PLCB4: variants seen among roughly 807,000 people sequenced by gnomAD.
PLCB4 encodes phospholipase C beta 4.
PLCB4 carries 77 observed loss-of-function variants against 178.8 expected under a neutral mutation model. The observed-to-expected ratio is 0.43, with a 90% CI of 0.36 to 0.52. PLCB4 has a LOEUF of 0.52. Among genes scored for constraint, PLCB4 ranks in the 20% least tolerant of loss-of-function variants. The pLI, the probability that PLCB4 is intolerant of heterozygous loss-of-function variation, is 0.00. For synonymous variants in PLCB4, 496 were observed against 490.8 expected, an observed-to-expected ratio of 1.01 and a Z score of -0.14; for missense variants, 1,024 against 1,453.4, an observed-to-expected ratio of 0.70 and a Z score of 4.80.
At chr20:9,109,469 CTT>C (rs762077633) in intron 2 of PLCB4, among the ~76,000 whole-genome samples, 1 of 144,086 alleles carries the variant, frequency 6.9e-6, no homozygotes, top group African/African-American at 2.5e-5. Context: ...AAAATGATTG[CTT>C]TTTTTTTTTT....
intron 1 of PLCB4, among the ~76,000 whole-genome samples, chr20:9,080,242 T>G (rs1452070514): frequency 6.6e-6 from 1 of 152,172 alleles, no homozygotes; most frequent in African/African-American, 2.4e-5. Context: ...TTCTTGGCCC[T>G]GTTGCTTGAA....
At chr20:9,188,613 TG>T (rs2093360353) in intron 2 of PLCB4, among the ~76,000 whole-genome samples, 1 of 138,564 alleles carries the variant, frequency 7.2e-6, no homozygotes, top group East Asian at 2.1e-4. Context: ...TGTGGAGGGC[TG>T]TCATATAGTG....
chr20:9,223,216 G>T (rs2093821012), intron 3 of PLCB4, among the ~76,000 whole-genome samples: 1 of 152,116 alleles, frequency 6.6e-6, no homozygotes, highest in Admixed American at 6.5e-5. Flanking sequence ...AAACTCATGG[G>T]GCTGGAGTGT....
intron 3 of PLCB4, among the ~76,000 whole-genome samples, chr20:9,256,639 T>C (rs1433346553): frequency 1.3e-5 from 2 of 152,230 alleles, no homozygotes; most frequent in African/African-American, 2.4e-5. Flanking sequence ...GTGGCTGTTA[T>C]ATTTCGTTAC....
At chr20:9,401,173 G>A (rs189758024) in intron 19 of PLCB4, among the ~76,000 whole-genome samples, 1 of 152,170 alleles carries the variant, frequency 6.6e-6, no homozygotes, top group East Asian at 1.9e-4. Context: ...CAGTGTTTGA[G>A]GCTTTCATTT....
chr20:9,226,465 A>T (rs1242749715), intron 3 of PLCB4, among the ~76,000 whole-genome samples: 1 of 152,198 alleles, frequency 6.6e-6, no homozygotes, highest in Non-Finnish European at 1.5e-5. Context: ...CTGGCTGGAT[A>T]CATCACAGTG....
chr20:9,074,806 TTAAACAAAACAAAACAAAACA>T (rs1233709480), intron 1 of PLCB4, among the ~76,000 whole-genome samples: 4 of 100,366 alleles, frequency 4.0e-5, no homozygotes, highest in African/African-American at 8.0e-5. Flanking sequence ...TTTTTTTTTT[TTAAACAAAACAAAACAAAACA>T]AAACAAAACA....
At position 9,240,701 on chromosome 20, in the gene PLCB4, C is replaced by T. The variant is rs186884793; in HGVS notation, c.-16+23249C>T. On this transcript the variant is annotated intron_variant, in intron 3 of 39. Transcript: ENST00000378473. The stretch of plus-strand genomic sequence containing the variant: ...TGCACATTTGTCCTTGCTTTTTTGT[C>T]TTTATCTTCTATTCTTGTTTGTTCT... Among the ~76,000 whole-genome samples the T allele has an allele frequency of 4.6e-5, 7 of 152,188 alleles. No homozygotes were observed. The East Asian group carries it at 1.2e-3, about 25-fold the overall frequency.
At chr20:9,413,341 A>T (rs1008326511) in intron 25 of PLCB4, among the ~76,000 whole-genome samples, 15 of 149,958 alleles carry the variant, frequency 1.0e-4, no homozygotes, top group African/African-American at 3.8e-4. Context: ...GGCTCGGCCC[A>T]GTGGCTCACA....
chr20:9,230,918 G>A (rs1001123339), intron 3 of PLCB4, among the ~76,000 whole-genome samples: 2 of 152,124 alleles, frequency 1.3e-5, no homozygotes, highest in Non-Finnish European at 2.9e-5. Flanking sequence ...ACCTTTTTAG[G>A]TGATGGCTTT....
intron 35 of PLCB4, among the ~76,000 whole-genome samples, chr20:9,463,954 A>C (rs549022181): frequency 6.6e-6 from 1 of 152,292 alleles, no homozygotes; most frequent in African/African-American, 2.4e-5. Context: ...AGGACTCTCC[A>C]CCCCAAATCA....
At chr20:9,279,535 A>G (rs899266494) in intron 3 of PLCB4, among the ~76,000 whole-genome samples, 3 of 152,034 alleles carry the variant, frequency 2.0e-5, no homozygotes, top group African/African-American at 7.2e-5. Flanking sequence ...AGAGAACAAT[A>G]GGGAAAATAG....
At chr20:9,270,432 C>T (rs1007628329) in intron 3 of PLCB4, among the ~76,000 whole-genome samples, 13 of 152,102 alleles carry the variant, frequency 8.5e-5, no homozygotes, top group African/African-American at 3.1e-4. Flanking sequence ...GGTAATCATA[C>T]AATGTGTATT....
chr20:9,262,102 C>T (rs2094303284), intron 3 of PLCB4, among the ~76,000 whole-genome samples: 1 of 152,146 alleles, frequency 6.6e-6, no homozygotes, highest in African/African-American at 2.4e-5. Context: ...GGAATTGTGT[C>T]TTCTATCGTC....
chr20:9,432,340 G>A (rs886638195), intron 28 of PLCB4, among the ~76,000 whole-genome samples: 9 of 151,976 alleles, frequency 5.9e-5, no homozygotes, highest in Admixed American at 5.9e-4. Flanking sequence ...TATTCCTATG[G>A]AAAAGACTAC....
chr20:9,102,717 T>G (rs928749626), intron 2 of PLCB4, among the ~76,000 whole-genome samples: 1 of 151,576 alleles, frequency 6.6e-6, no homozygotes, highest in African/African-American at 2.4e-5. Flanking sequence ...TACTTTTTCC[T>G]CTTAATAATG....
chr20:9,328,351 A>C (rs900572521), intron 4 of PLCB4, among the ~76,000 whole-genome samples: 2 of 152,132 alleles, frequency 1.3e-5, no homozygotes, highest in Non-Finnish European at 2.9e-5. Flanking sequence ...CTAGGATCTG[A>C]AAAAAAATTC....
intron 4 of PLCB4, among the ~76,000 whole-genome samples, chr20:9,333,430 A>AG (rs1365651135): frequency 1.3e-5 from 2 of 152,296 alleles, no homozygotes; most frequent in East Asian, 3.9e-4. Context: ...TGCAAGTGCA[A>AG]AGGCCCTGAT....
At chr20:9,326,996 C>G (rs767309366) in intron 4 of PLCB4, among the ~76,000 whole-genome samples, 2 of 152,122 alleles carry the variant, frequency 1.3e-5, no homozygotes, top group Non-Finnish European at 2.9e-5. Context: ...TATCTGCATC[C>G]TCTTGGGTGA....
Sources: gnomAD v4.1 joint callset for allele counts (sites outside exome capture counted in the v4.1 genomes callset) on GRCh38, gnomAD v4.1.1 for gene constraint, MANE v1.5 for transcripts, NCBI Gene and HGNC (gene_info 2026-07-23, HGNC 2026-07-21) for gene names.